Variants in NALF1 observed in about 807,000 individuals in gnomAD.
NALF1 encodes the protein NALCN channel auxiliary factor 1.
In NALF1, 3 loss-of-function variants were observed where a neutral mutation model predicts 48.4. The observed-to-expected ratio is 0.06, with a 90% confidence interval of 0.03 to 0.16. The LOEUF (loss-of-function observed/expected upper bound fraction) is 0.16, where lower values mean the gene tolerates loss of function less well. Among genes scored for constraint, NALF1 ranks in the 10% least tolerant of loss-of-function variants. NALF1 has a pLI of 1.00. For missense variants in NALF1, 526 were observed against 571.5 expected (o/e 0.92, Z 0.81); for synonymous variants, 262 against 245.7 (o/e 1.07, Z -0.62).
chr13:107,693,319 G>A (rs1881609364), intron 1 of NALF1, among the ~76,000 whole-genome samples: 1 of 71,758 alleles, frequency 1.4e-5, no homozygotes, highest in Admixed American at 1.5e-4. Flanking sequence ...ATCAGGGCCT[G>A]TCGTAGGGTA....
chr13:107,328,649 C>T (rs959006884), intron 1 of NALF1, among the ~76,000 whole-genome samples: 6 of 152,112 alleles, frequency 3.9e-5, no homozygotes, highest in South Asian at 2.1e-4. Context: ...AGTACAATGC[C>T]TCAATCAATC....
At chr13:107,273,581 G>A (rs1881218938) in intron 1 of NALF1, among the ~76,000 whole-genome samples, 2 of 152,142 alleles carry the variant, frequency 1.3e-5, no homozygotes, top group Admixed American at 1.3e-4. Context: ...ATCACAAAAA[G>A]CTGTCCTAGA....
At chr13:107,481,663 C>G (rs80112652) in intron 1 of NALF1, among the ~76,000 whole-genome samples, 7,705 of 152,112 alleles carry the variant, frequency 0.051, 228 homozygotes, top group South Asian at 0.088. Flanking sequence ...CCTGGTGAAG[C>G]AGGATAAGTG....
intron 1 of NALF1, among the ~76,000 whole-genome samples, chr13:107,847,265 C>T (rs1880196569): frequency 6.6e-6 from 1 of 152,034 alleles, no homozygotes; most frequent in African/African-American, 2.4e-5. Flanking sequence ...GATTTATTGA[C>T]AAAATCAAAC....
intron 1 of NALF1, among the ~76,000 whole-genome samples, chr13:107,801,499 A>T (rs1313614803): frequency 6.6e-6 from 1 of 152,210 alleles, no homozygotes; most frequent in Non-Finnish European, 1.5e-5. Context: ...AATTTCAACG[A>T]AATTCAGTAA....
intron 1 of NALF1, among the ~76,000 whole-genome samples, chr13:107,318,511 A>G (rs1440089032): frequency 6.6e-6 from 1 of 152,080 alleles, no homozygotes; most frequent in African/African-American, 2.4e-5. Context: ...TGAGTTTCAA[A>G]TGGGAATTTA....
At chr13:107,447,737 G>T (rs140028478) in intron 1 of NALF1, among the ~76,000 whole-genome samples, 3 of 152,260 alleles carry the variant, frequency 2.0e-5, no homozygotes, top group Non-Finnish European at 4.4e-5. Context: ...GGCAGCAGCT[G>T]CAGTCAATTC....
chr13:107,396,526 G>T (rs1883715756), intron 1 of NALF1, among the ~76,000 whole-genome samples: 1 of 152,154 alleles, frequency 6.6e-6, no homozygotes, highest in Non-Finnish European at 1.5e-5. Flanking sequence ...GCACTCCGGG[G>T]GACTGAGTGG....
At chr13:107,226,270 A>G (rs1011441946) in intron 1 of NALF1, among the ~76,000 whole-genome samples, 1 of 152,140 alleles carries the variant, frequency 6.6e-6, no homozygotes, top group Admixed American at 6.5e-5. Context: ...CCCGGCAAAA[A>G]TACGGTTTTA....
intron 1 of NALF1, among the ~76,000 whole-genome samples, chr13:107,521,942 T>TACACACAC (rs371749390): frequency 1.4e-5 from 2 of 146,250 alleles, no homozygotes; most frequent in East Asian, 2.0e-4. Flanking sequence ...CACACACACA[T>TACACACAC]ACACACACAC....
chr13:107,182,594 A>T (rs963821786), intron 2 of NALF1, among the ~76,000 whole-genome samples: 9 of 152,026 alleles, frequency 5.9e-5, no homozygotes, highest in African/African-American at 2.2e-4. Context: ...TTAAATGTAT[A>T]TTTTTTCATA....
At chr13:107,530,312 A>G (rs1401525033) in intron 1 of NALF1, among the ~76,000 whole-genome samples, 1 of 152,066 alleles carries the variant, frequency 6.6e-6, no homozygotes, top group Admixed American at 6.6e-5. Context: ...AATTATTTTT[A>G]TATTTGTTTC....
chr13:107,599,256 C>G (rs1474418570), intron 1 of NALF1, among the ~76,000 whole-genome samples: 2 of 151,500 alleles, frequency 1.3e-5, no homozygotes, highest in African/African-American at 4.8e-5. Flanking sequence ...CCGTCTCTAC[C>G]AAAAAAATAC....
chr13:107,380,805 C>T (rs549747246), intron 1 of NALF1, among the ~76,000 whole-genome samples: 1 of 151,446 alleles, frequency 6.6e-6, no homozygotes, highest in Admixed American at 6.6e-5. Context: ...GGTGAGACCC[C>T]GTCTCTACTA....
In NALF1 at chr13:107,271,803, TATATATA is replaced by T. The variant is rs1566470631; in HGVS notation, c.916-61055_916-61049del. ...ATATATATATATATATATATATATA[TATATATA>T]TATATATTTATATATTTATATATAC... On this transcript the variant is annotated intron_variant, in intron 1 of 2. Coordinates refer to ENST00000375915, the MANE Select transcript of NALF1 (RefSeq NM_001080396.3). 6.2e-3 allele frequency among the ~76,000 whole-genome samples: 585 copies of T among 93,666 alleles called. 14 individuals carry two copies. Among genetic ancestry groups the T allele is most frequent in the South Asian group, 0.02 (67 of 3,424 alleles). 61.4% of individuals were successfully genotyped at this position (93,666 alleles called of 152,430 possible).
At chr13:107,520,188 T>C (rs1286942580) in intron 1 of NALF1, among the ~76,000 whole-genome samples, 3 of 152,192 alleles carry the variant, frequency 2.0e-5, no homozygotes, top group Non-Finnish European at 4.4e-5. Flanking sequence ...ATAATTGTTT[T>C]CTATATGTAT....
intron 1 of NALF1, among the ~76,000 whole-genome samples, chr13:107,704,338 A>T (rs1201444250): frequency 1.3e-5 from 2 of 151,900 alleles, no homozygotes; most frequent in South Asian, 2.1e-4. Context: ...TTTCTTTTTG[A>T]ATTCTGAATC....
intron 1 of NALF1, among the ~76,000 whole-genome samples, chr13:107,789,271 G>A (rs2138585595): frequency 6.6e-6 from 1 of 152,294 alleles, no homozygotes; most frequent in African/African-American, 2.4e-5. Context: ...ATAAGACTGT[G>A]ATCTCTACTC....
chr13:107,557,409 C>T (rs551544186), intron 1 of NALF1, among the ~76,000 whole-genome samples: 40 of 152,206 alleles, frequency 2.6e-4, no homozygotes, highest in African/African-American at 9.4e-4. Context: ...GATGGGGTGA[C>T]GGTTTGCATA....
Sources: allele counts gnomAD v4.1 joint callset (sites outside exome capture counted in the v4.1 genomes callset), GRCh38; gene constraint gnomAD v4.1.1; transcripts MANE v1.5; gene names NCBI Gene and HGNC (gene_info 2026-07-23, HGNC 2026-07-21).